Variants in DMD observed in about 807,000 individuals in gnomAD.
The protein encoded by DMD is mutant dystrophin.
A neutral mutation model predicts 330.1 loss-of-function variants in DMD; 63 were observed. The ratio of observed to expected loss-of-function variants is 0.19; its 90% CI spans 0.16 to 0.24. The LOEUF is 0.24. DMD is among the 10% of genes least tolerant of loss of function. The probability of loss-of-function intolerance (pLI) is 1.00; values close to 1 mark genes in which losing one functional copy is unlikely to be tolerated. For synonymous variants in DMD, 1,223 were observed against 959.8 expected, an observed-to-expected ratio of 1.27 and a Z score of -5.07; for missense variants, 3,344 against 2,684.1, an observed-to-expected ratio of 1.25 and a Z score of -5.43.
chrX:31,541,420 T>C (rs908402580), intron 55 of DMD, among the ~76,000 whole-genome samples: 1 of 109,434 alleles, frequency 9.1e-6, no homozygotes, highest in Admixed American at 9.8e-5. Flanking sequence ...ACATGTGCCA[T>C]GTTGGTGTGC....
At chrX:32,460,652 G>A (rs1257820128) in intron 25 of DMD, among the ~76,000 whole-genome samples, 5 of 110,641 alleles carry the variant, frequency 4.5e-5, no homozygotes, top group African/African-American at 1.3e-4. Context: ...TGCCTCAGAT[G>A]TTTTCTCCAC....
At chrX:32,089,702 A>C (rs762120140) in intron 44 of DMD, among the ~76,000 whole-genome samples, 1 of 111,780 alleles carries the variant, frequency 8.9e-6, no homozygotes, top group East Asian at 2.8e-4. Flanking sequence ...ATAGGCATTT[A>C]AGTTGAATCC....
chrX:32,471,709 A>G lies in DMD; in HGVS notation c.2949+455T>C, dbSNP rs775744025. ...TATATGCAAATATTACACCATTCAT[A>G]TAAAGGACTTGAACATCTGTGAATT... On this transcript the variant is annotated intron_variant, in intron 22 of 78. Coordinates refer to ENST00000357033, the MANE Select transcript of DMD (RefSeq NM_004006.3). 8.5e-4 allele frequency among the ~76,000 whole-genome samples: 95 copies of G among 112,007 alleles called. 1 individual carries two copies. Among genetic ancestry groups the G allele is most frequent in the Non-Finnish European group, 1.5e-3 (81 of 53,244 alleles).
intron 63 of DMD, among the ~76,000 whole-genome samples, chrX:31,237,904 G>A (rs1233876265): frequency 9.1e-6 from 1 of 110,283 alleles, no homozygotes; most frequent in Non-Finnish European, 1.9e-5. Flanking sequence ...ATTTTTAGTA[G>A]AGATGAGGTT....
chrX:32,964,450 G>A (rs150627365), intron 2 of DMD, among the ~76,000 whole-genome samples: 1 of 110,747 alleles, frequency 9.0e-6, no homozygotes, highest in Non-Finnish European at 1.9e-5. Flanking sequence ...ACTCACACCT[G>A]TAATCCCAGC....
At chrX:31,935,252 C>T (rs973490098) in intron 45 of DMD, among the ~76,000 whole-genome samples, 2 of 111,956 alleles carry the variant, frequency 1.8e-5, no homozygotes, top group Non-Finnish European at 1.9e-5. Context: ...CTGCACTCCC[C>T]ACAAAGCTTA....
At chrX:31,604,870 G>A (rs1001065038) in intron 55 of DMD, among the ~76,000 whole-genome samples, 2 of 111,106 alleles carry the variant, frequency 1.8e-5, no homozygotes, top group African/African-American at 6.5e-5. Context: ...GCATTTGAGG[G>A]GATTTCCAGC....
chrX:32,085,592 ATATGTATATATGTGTATATATATACG>A, intron 44 of DMD, among the ~76,000 whole-genome samples: 1 of 98,833 alleles, frequency 1.0e-5, no homozygotes, highest in African/African-American at 3.6e-5. Context: ...ACACACACAT[ATATGTATATATGTGTATATATATACG>A]TATATATATA....
intron 57 of DMD, among the ~76,000 whole-genome samples, chrX:31,492,188 T>C (rs750431847): frequency 8.9e-6 from 1 of 112,553 alleles, no homozygotes; most frequent in East Asian, 2.8e-4. Context: ...TCTGGAAACA[T>C]GGCAAAGTAA....
At chrX:32,044,139 A>G (rs1350260614) in intron 44 of DMD, among the ~76,000 whole-genome samples, 2 of 111,691 alleles carry the variant, frequency 1.8e-5, no homozygotes, top group African/African-American at 6.5e-5. Context: ...TGAGCTTTCA[A>G]CACTAAAGAA....
At chrX:33,096,489 T>C (rs2095166741) in intron 1 of DMD, among the ~76,000 whole-genome samples, 3 of 109,973 alleles carry the variant, frequency 2.7e-5, no homozygotes, top group Admixed American at 9.8e-5. Flanking sequence ...CCATGCTATA[T>C]TTTGGAGACG....
At chrX:31,140,551 T>C (rs1489762295) in intron 76 of DMD, among the ~76,000 whole-genome samples, 1 of 112,107 alleles carries the variant, frequency 8.9e-6, no homozygotes, top group African/African-American at 3.2e-5. Context: ...TTTTTCCATA[T>C]GATATAGGAC....
chrX:32,897,403 G>C (rs2085822209), intron 2 of DMD, among the ~76,000 whole-genome samples: 2 of 111,584 alleles, frequency 1.8e-5, no homozygotes, highest in African/African-American at 6.5e-5. Flanking sequence ...TTTATTTTCA[G>C]ATAAAGCACA....
At chrX:32,115,331 G>A (rs1415056779) in intron 44 of DMD, among the ~76,000 whole-genome samples, 1 of 111,527 alleles carries the variant, frequency 9.0e-6, no homozygotes, top group African/African-American at 3.3e-5. Flanking sequence ...GACTTCCCAG[G>A]CTCAAGTGAT....
intron 54 of DMD, among the ~76,000 whole-genome samples, chrX:31,630,712 A>C (rs1310521863): frequency 8.9e-6 from 1 of 111,825 alleles, no homozygotes; most frequent in Non-Finnish European, 1.9e-5. Context: ...CAGAAAAAAA[A>C]CCAAAGGTCT....
At chrX:31,161,047 T>C (rs2148082816) in intron 74 of DMD, among the ~76,000 whole-genome samples, 1 of 111,638 alleles carries the variant, frequency 9.0e-6, no homozygotes, top group African/African-American at 3.3e-5. Flanking sequence ...AAACAGCCTC[T>C]CTTTCATAGG....
chrX:33,158,770 C>A (rs1479710567), intron 1 of DMD, among the ~76,000 whole-genome samples: 2 of 111,470 alleles, frequency 1.8e-5, no homozygotes, highest in African/African-American at 3.3e-5. Context: ...CCTAGTCTAG[C>A]CAGTCTTCAG....
chrX:32,196,992 A>AC (rs1569550296), intron 44 of DMD, among the ~76,000 whole-genome samples: 5 of 102,370 alleles, frequency 4.9e-5, no homozygotes, highest in Non-Finnish European at 2.0e-5. Context: ...ATCTCAAAAA[A>AC]AAAAAAAAAA....
intron 7 of DMD, among the ~76,000 whole-genome samples, chrX:32,733,607 T>A (rs367578277): frequency 9.0e-6 from 1 of 111,162 alleles, no homozygotes; most frequent in African/African-American, 3.3e-5. Flanking sequence ...GAATTAAGAA[T>A]CTCACTCAAA....
Sources: allele counts gnomAD v4.1 joint callset (sites outside exome capture counted in the v4.1 genomes callset), GRCh38; gene constraint gnomAD v4.1.1; transcripts MANE v1.5; gene names NCBI Gene and HGNC (gene_info 2026-07-23, HGNC 2026-07-21).